Variants in NCOR1 observed in about 807,000 individuals in gnomAD.
NCOR1 encodes nuclear receptor corepressor 1.
Under a neutral mutation model 288.1 loss-of-function variants are expected in NCOR1, and 63 were observed. That is an observed-to-expected ratio of 0.22 (90% CI 0.18 to 0.27). The LOEUF is 0.27. Among genes scored for constraint, NCOR1 ranks in the 10% least tolerant of loss-of-function variants. The pLI, the probability that NCOR1 is intolerant of heterozygous loss-of-function variation, is 1.00. For missense variants in NCOR1, 2,397 were observed against 3,019.2 expected, an observed-to-expected ratio of 0.79 and a Z score of 4.83; for synonymous variants, 1,007 against 1,065.9, an observed-to-expected ratio of 0.94 and a Z score of 1.08.
intron 3 of NCOR1, among the ~76,000 whole-genome samples, chr17:16,183,230 C>CAAAAAAAAAAAAAAAAAAAA (rs59665102): frequency 3.0e-4 from 19 of 63,960 alleles, no homozygotes; most frequent in East Asian, 8.2e-4. Context: ...AGCAATCAAA[C>CAAAAAAAAAAAAAAAAAAAA]AAAAAAAAAA....
In NCOR1 at chr17:16,182,001, T is replaced by C. The variant is rs76055995; in HGVS notation, c.242+4553A>G. The stretch of plus-strand genomic sequence containing the variant: ...TACTTTTGTATCAAAGGAGAAACTA[T>C]TTTTTAGCTGAAAGATCAAAAAAAA... On this transcript the variant is annotated intron_variant, in intron 3 of 45. Transcript: ENST00000268712. 7.7e-3 allele frequency among the ~76,000 whole-genome samples: 1,169 copies of C among 152,250 alleles called. 19 individuals are homozygous for C. The highest frequency in any genetic ancestry group is 0.05 in the East Asian group (258 of 5,190).
intron 13 of NCOR1, 72 bp from the exon 14 acceptor site, chr17:16,137,484 C>A: frequency 1.3e-6 from 1 of 752,032 alleles, no homozygotes; most frequent in East Asian, 3.0e-5. Context: ...ATATTACTTC[C>A]AAGGAAAATC....
intron 6 of NCOR1, among the ~76,000 whole-genome samples, chr17:16,154,891 A>C (rs2079473174): frequency 6.6e-6 from 1 of 152,190 alleles, no homozygotes. Context: ...GGTGGGACTA[A>C]CGCTCTTCAC....
intron 11 of NCOR1, among the ~76,000 whole-genome samples, 171 bp downstream of exon 11, chr17:16,143,435 G>A (rs1429936722): frequency 6.6e-6 from 1 of 152,126 alleles, no homozygotes; most frequent in Non-Finnish European, 1.5e-5. Flanking sequence ...CAGTATGATC[G>A]TGTGACTGCC....
At chr17:16,034,114 G>A (rs574515056) in intron 45 of NCOR1, among the ~76,000 whole-genome samples, 12 of 152,278 alleles carry the variant, frequency 7.9e-5, no homozygotes, top group African/African-American at 2.6e-4. Flanking sequence ...AGTGGCATGG[G>A]TACATTCAGG....
intron 22 of NCOR1, 78 bp from the exon 23 acceptor site, chr17:16,086,520 T>C: frequency 1.5e-6 from 2 of 1,294,864 alleles, no homozygotes; most frequent in Non-Finnish European, 2.1e-6. Flanking sequence ...CAGTCATTCC[T>C]GAATTTTTAA....
chr17:16,135,133 T>C (rs1599185674), intron 14 of NCOR1, among the ~76,000 whole-genome samples: 1 of 120,418 alleles, frequency 8.3e-6, no homozygotes, highest in South Asian at 2.7e-4. Flanking sequence ...CACTCCAGCC[T>C]GGGCGACAGA....
chr17:16,039,633 T>G lies in NCOR1; in HGVS notation c.6755A>C (p.His2252Pro). 6.2e-7 allele frequency: 1 copy of G among 1,613,984 alleles called. No homozygotes were observed. Residue 2252 changes from histidine to proline, a missense_variant, in exon 44 of 46, where the codon CAT becomes CCT. Coordinates refer to ENST00000268712, the MANE Select transcript of NCOR1 (RefSeq NM_006311.4). ...ATTACTGGCAGGATCAGCAAAAGAATGGCCTCTAGAGCTAACTGAGCCTGA... is the reference window on the plus strand; with the variant it reads ...ATTACTGGCAGGATCAGCAAAAGAAGGGCCTCTAGAGCTAACTGAGCCTGA... The part of the protein sequence containing the change: ...TTSGSVSSRG[H>P]SFADPASNLG...
intron 13 of NCOR1, chr17:16,137,889 T>C (rs1734154670): frequency 2.8e-6 from 1 of 361,010 alleles, no homozygotes; most frequent in Admixed American, 4.5e-5. Flanking sequence ...GATATTTTAA[T>C]TAGAAATTTA....
chr17:16,128,732 AT>A (rs1329798612), intron 14 of NCOR1, among the ~76,000 whole-genome samples: 1 of 152,054 alleles, frequency 6.6e-6, no homozygotes, highest in African/African-American at 2.4e-5. Context: ...TTTAAGAAAA[AT>A]TTCCCTTCTT....
At chr17:16,193,952 T>C (rs927319207) in intron 2 of NCOR1, among the ~76,000 whole-genome samples, 2 of 152,280 alleles carry the variant, frequency 1.3e-5, no homozygotes, top group African/African-American at 4.8e-5. Context: ...GATATGATTA[T>C]TTCACCTCAT....
At chr17:16,130,055 C>G (rs1340859721) in intron 14 of NCOR1, among the ~76,000 whole-genome samples, 1 of 152,114 alleles carries the variant, frequency 6.6e-6, no homozygotes, top group Non-Finnish European at 1.5e-5. Flanking sequence ...TGGAAATGAT[C>G]CAAAGAAATG....
chr17:16,146,973 G>T (rs575589511), intron 9 of NCOR1, among the ~76,000 whole-genome samples: 1 of 152,238 alleles, frequency 6.6e-6, no homozygotes, highest in South Asian at 2.1e-4. Flanking sequence ...CTTCCAATCT[G>T]CGAAACAAAA....
At chr17:16,066,168 CTTT>C (rs1180887211) in intron 32 of NCOR1, among the ~76,000 whole-genome samples, 1 of 152,134 alleles carries the variant, frequency 6.6e-6, no homozygotes, top group Non-Finnish European at 1.5e-5. Context: ...GATTGGCAAA[CTTT>C]TGACATAAAG....
At chr17:16,208,195 C>T (rs529087603) in intron 1 of NCOR1, among the ~76,000 whole-genome samples, 1 of 145,320 alleles carries the variant, frequency 6.9e-6, no homozygotes, top group South Asian at 2.2e-4. Context: ...CGCGTGCCAC[C>T]ATGCCCAGCT....
chr17:16,087,440 G>A (rs60011951), intron 22 of NCOR1: 28,993 of 709,972 alleles, frequency 0.041, 1,000 homozygotes, highest in African/African-American at 0.16. Context: ...GGGCTGATCC[G>A]ACTATAACAT....
At chr17:16,137,073 G>C (rs2076546002) in intron 14 of NCOR1, among the ~76,000 whole-genome samples, 2 of 151,990 alleles carry the variant, frequency 1.3e-5, no homozygotes, top group South Asian at 4.1e-4. Context: ...TGACAGAATG[G>C]TATAAAACTT....
intron 1 of NCOR1, among the ~76,000 whole-genome samples, chr17:16,196,094 TA>T (rs1475587613): frequency 6.7e-6 from 1 of 150,006 alleles, no homozygotes; most frequent in Non-Finnish European, 1.5e-5. Flanking sequence ...TGGGTGGTTT[TA>T]AAAAATAGAA....
At chr17:16,075,399 C>T in intron 27 of NCOR1, 135 bp downstream of exon 27, 2 of 925,946 alleles carry the variant, frequency 2.2e-6, no homozygotes, top group Admixed American at 4.8e-5. Context: ...GTATTACTAA[C>T]CCCATTTACT....
Sources: allele counts gnomAD v4.1 joint callset (sites outside exome capture counted in the v4.1 genomes callset), GRCh38; gene constraint gnomAD v4.1.1; transcripts MANE v1.5; gene names NCBI Gene and HGNC (gene_info 2026-07-23, HGNC 2026-07-21).